Variants in CCSER1 observed in about 807,000 individuals in gnomAD.
CCSER1 encodes the protein serine-rich coiled-coil domain-containing protein 1.
A neutral mutation model predicts 82.0 loss-of-function variants in CCSER1; 41 were observed. That is an observed-to-expected ratio of 0.50 (90% confidence interval 0.39 to 0.65). The LOEUF is 0.65. Among genes scored for constraint, CCSER1 ranks in the 30% least tolerant of loss-of-function variants. The pLI, the probability that CCSER1 is intolerant of heterozygous loss-of-function variation, is 0.00. For missense variants in CCSER1, 1,119 were observed against 1,064.2 expected, an observed-to-expected ratio of 1.05 and a Z score of -0.72; for synonymous variants, 414 against 383.9, an observed-to-expected ratio of 1.08 and a Z score of -0.92.
At chr4:90,315,599 GTTCAAGTGA>G (rs758385392) in intron 3 of CCSER1, among the ~76,000 whole-genome samples, 4 of 152,024 alleles carry the variant, frequency 2.6e-5, no homozygotes, top group Admixed American at 6.5e-5. Context: ...CCCCTCCCCG[GTTCAAGTGA>G]TTCTTGTGCC....
Position 90,323,691 on chromosome 4 carries a change from T to TAA in CCSER1, c.1509+10645_1509+10646dup, listed in dbSNP as rs558330021. On this transcript the variant is annotated intron_variant, in intron 3 of 10. Transcript: ENST00000509176. ...TTTTTTAAATTTTATTATTATACTT[T>TAA]AAGTTTTAGAGTACATGTGCACAAT... is the stretch of plus-strand genomic sequence containing the variant. 3.2e-4 allele frequency among the ~76,000 whole-genome samples: 48 copies of TAA among 152,226 alleles called. 1 individual carries two copies. Among genetic ancestry groups the TAA allele is most frequent in the African/African-American group, 1.1e-3 (45 of 41,538 alleles).
chr4:91,210,503 T>C (rs1736725701), intron 10 of CCSER1, among the ~76,000 whole-genome samples: 2 of 150,832 alleles, frequency 1.3e-5, no homozygotes, highest in Admixed American at 6.6e-5. Flanking sequence ...GTGAGACAAA[T>C]CAAAATTACC....
At chr4:91,109,308 A>C (rs1444519388) in intron 10 of CCSER1, among the ~76,000 whole-genome samples, 1 of 152,100 alleles carries the variant, frequency 6.6e-6, no homozygotes, top group Admixed American at 6.6e-5. Context: ...CTATTGATTG[A>C]TGTATCAATC....
chr4:90,592,614 C>A (rs1166191929), intron 5 of CCSER1, among the ~76,000 whole-genome samples: 1 of 152,124 alleles, frequency 6.6e-6, no homozygotes, highest in Non-Finnish European at 1.5e-5. Flanking sequence ...TACGCACAGC[C>A]TACTTCTTTC....
chr4:91,246,712 C>T (rs574538580), intron 10 of CCSER1, among the ~76,000 whole-genome samples: 23 of 152,028 alleles, frequency 1.5e-4, no homozygotes, highest in South Asian at 1.0e-3. Flanking sequence ...TTCCATGATG[C>T]GGTTATTACA....
intron 7 of CCSER1, among the ~76,000 whole-genome samples, chr4:90,741,035 C>T (rs920390073): frequency 2.6e-5 from 4 of 152,018 alleles, no homozygotes; most frequent in African/African-American, 9.7e-5. Flanking sequence ...CCTTAATTGG[C>T]CAAAGTGAGG....
At chr4:90,153,023 T>A (rs1727190465) in intron 1 of CCSER1, among the ~76,000 whole-genome samples, 1 of 144,592 alleles carries the variant, frequency 6.9e-6, no homozygotes, top group Admixed American at 6.9e-5. Context: ...CTCCTAATGC[T>A]ATCCCTCCCC....
At chr4:90,635,045 C>T (rs1464333720) in intron 6 of CCSER1, among the ~76,000 whole-genome samples, 1 of 151,660 alleles carries the variant, frequency 6.6e-6, no homozygotes, top group Non-Finnish European at 1.5e-5. Context: ...ATGTGGATGG[C>T]TTGTTTCACC....
intron 10 of CCSER1, among the ~76,000 whole-genome samples, chr4:91,178,260 T>A (rs530729472): frequency 6.6e-6 from 1 of 152,182 alleles, no homozygotes; most frequent in Non-Finnish European, 1.5e-5. Flanking sequence ...ATAGGTGTGG[T>A]GTGGTGCTGA....
intron 7 of CCSER1, among the ~76,000 whole-genome samples, chr4:90,751,103 A>G (rs1260115489): frequency 6.6e-6 from 1 of 152,138 alleles, no homozygotes. Flanking sequence ...TCAGATATGT[A>G]AAGATTCACA....
At chr4:90,185,651 T>A (rs1414732512) in intron 1 of CCSER1, among the ~76,000 whole-genome samples, 2 of 152,044 alleles carry the variant, frequency 1.3e-5, no homozygotes, top group African/African-American at 4.8e-5. Context: ...GGGATGGAGA[T>A]GAATAATGTC....
intron 9 of CCSER1, among the ~76,000 whole-genome samples, chr4:90,957,303 T>G (rs1733566169): frequency 1.4e-5 from 2 of 146,386 alleles, no homozygotes; most frequent in African/African-American, 5.0e-5. Flanking sequence ...GGTTTCACCA[T>G]CTTGGCCAGG....
intron 8 of CCSER1, among the ~76,000 whole-genome samples, chr4:90,862,633 A>G (rs978445522): frequency 1.3e-5 from 2 of 151,908 alleles, no homozygotes; most frequent in Admixed American, 6.6e-5. Flanking sequence ...GCAATTCAAG[A>G]TGGAAATAGG....
At chr4:90,933,329 A>G (rs1238155105) in intron 9 of CCSER1, among the ~76,000 whole-genome samples, 1 of 151,438 alleles carries the variant, frequency 6.6e-6, no homozygotes, top group African/African-American at 2.4e-5. Context: ...CTGGGACTAC[A>G]GGCGCCCGCC....
intron 10 of CCSER1, among the ~76,000 whole-genome samples, chr4:91,231,520 C>T (rs1394451935): frequency 6.6e-6 from 1 of 151,558 alleles, no homozygotes; most frequent in Non-Finnish European, 1.5e-5. Flanking sequence ...ATAGGTTGTT[C>T]ACACAGATGA....
intron 5 of CCSER1, among the ~76,000 whole-genome samples, chr4:90,541,111 G>A (rs1166225426): frequency 6.6e-6 from 1 of 151,866 alleles, no homozygotes; most frequent in Admixed American, 6.6e-5. Context: ...CTTTCATCCT[G>A]GCCTGATGCT....
chr4:90,767,695 G>T (rs981179077), intron 7 of CCSER1, among the ~76,000 whole-genome samples: 5 of 151,778 alleles, frequency 3.3e-5, no homozygotes, highest in African/African-American at 1.2e-4. Flanking sequence ...TTTTTAAAGG[G>T]TCTCGTTCTC....
At chr4:90,713,848 T>G (rs1195371188) in intron 6 of CCSER1, among the ~76,000 whole-genome samples, 1 of 152,040 alleles carries the variant, frequency 6.6e-6, no homozygotes, top group African/African-American at 2.4e-5. Context: ...TTATTTTCAT[T>G]CTTTTTTCTT....
At chr4:90,690,654 C>T (rs987280507) in intron 6 of CCSER1, among the ~76,000 whole-genome samples, 9 of 151,986 alleles carry the variant, frequency 5.9e-5, no homozygotes, top group African/African-American at 1.9e-4. Context: ...TCAATGAGAC[C>T]ATATTCTTTC....
Sources: allele counts gnomAD v4.1 joint callset (sites outside exome capture counted in the v4.1 genomes callset), GRCh38; gene constraint gnomAD v4.1.1; transcripts MANE v1.5; gene names NCBI Gene and HGNC (gene_info 2026-07-23, HGNC 2026-07-21).